The following ECT2L variants were observed in gnomAD, a reference collection of about 807,000 sequenced individuals.
ECT2L encodes the protein epithelial cell-transforming sequence 2 oncogene-like.
ECT2L carries 126 observed loss-of-function variants against 122.8 expected under a neutral mutation model. That is an observed-to-expected ratio of 1.03 (90% CI 0.89 to 1.19). The LOEUF (loss-of-function observed/expected upper bound fraction) is 1.19, where lower values mean the gene tolerates loss of function less well. Ranked by LOEUF, ECT2L falls within the 50% of genes most tolerant of loss-of-function variation. The pLI, the probability that ECT2L is intolerant of heterozygous loss-of-function variation, is 0.00. For missense variants in ECT2L, 1,012 were observed against 1,064.1 expected (o/e 0.95, Z 0.68); for synonymous variants, 385 against 381.8 (o/e 1.01, Z -0.10).
intron 1 of ECT2L, among the ~76,000 whole-genome samples, chr6:138,812,462 C>T (rs185867878): frequency 6.6e-6 from 1 of 152,352 alleles, no homozygotes; most frequent in African/African-American, 2.4e-5. Context: ...TCTTTGACCT[C>T]TGTCCTGAAA....
chr6:138,839,387 C>G (rs1289406074), intron 5 of ECT2L, among the ~76,000 whole-genome samples: 1 of 146,276 alleles, frequency 6.8e-6, no homozygotes, highest in Non-Finnish European at 1.5e-5. Flanking sequence ...TTTCCTGAGA[C>G]AGGATCTCAT....
In ECT2L at chr6:138,843,130, G is replaced by C. The variant is rs772503814; in HGVS notation, c.494G>C (p.Gly165Ala). Residue 165 changes from glycine to alanine, a missense_variant, in exon 6 of 22, where the codon GGG becomes GCG. By Grantham distance (60) the Gly-to-Ala change is moderately conservative. Transcript: ENST00000541398. Reference protein sequence around the residue: ...LTPREAAATYGTLNEPKTEDE... With the variant: ...LTPREAAATYATLNEPKTEDE... ...CCTAGGGAGGCTGCTGCTACTTATG[G>C]GACGCTGAATGAACCCAAAACAGAA... The C allele has an allele frequency of 5.0e-6, 8 of 1,613,930 alleles. No homozygotes were observed. In the South Asian group the frequency reaches 5.5e-5, roughly 11 times the overall value.
At chr6:138,839,966 G>T (rs755203337) in intron 5 of ECT2L, among the ~76,000 whole-genome samples, 1 of 151,880 alleles carries the variant, frequency 6.6e-6, no homozygotes, top group Non-Finnish European at 1.5e-5. Context: ...TTTTGTTAAA[G>T]ATTTTTATTT....
chr6:138,799,311 T>C (rs892055475), intron 1 of ECT2L, among the ~76,000 whole-genome samples: 3 of 152,062 alleles, frequency 2.0e-5, no homozygotes, highest in Admixed American at 6.5e-5. Flanking sequence ...TGGAGTGCAG[T>C]GGCACGATCT....
chr6:138,873,896 G>GTGTGTGTGTA lies in ECT2L; in HGVS notation c.1579-2567_1579-2566insATGTGTGTGT, dbSNP rs1554277017. Among the ~76,000 whole-genome samples, 62 of 149,688 alleles carry GTGTGTGTGTA rather than the reference G, an allele frequency of 4.1e-4. 1 individual carries two copies. The highest frequency in any genetic ancestry group is 2.1e-3 in the Admixed American group (31 of 15,052). ...ACTGTGTGTGTGTGTGTGTGTGTGT[G>GTGTGTGTGTA]TGTGTGTGTGTGTGTGTGTCCATCC... On this transcript the variant is annotated intron_variant, in intron 13 of 21. Transcript: ENST00000541398.
intron 1 of ECT2L, among the ~76,000 whole-genome samples, chr6:138,805,042 A>G (rs1345285043): frequency 3.3e-5 from 5 of 152,142 alleles, no homozygotes; most frequent in East Asian, 1.9e-4. Context: ...GACGTCTAAC[A>G]CTACAGGGTA....
In ECT2L at chr6:138,818,206, C is replaced by T. The variant is rs141919121; in HGVS notation, c.179+3603C>T. Reference sequence around the variant, plus strand: ...ATGCATTGACCCAGGTGTGTATGTGCGTGTGCGTGTGAGATCATAAACAGC... The same window carrying T: ...ATGCATTGACCCAGGTGTGTATGTGTGTGTGCGTGTGAGATCATAAACAGC... On this transcript the variant is annotated intron_variant, in intron 4 of 21. Transcript: ENST00000541398. Among the ~76,000 whole-genome samples the T allele has an allele frequency of 2.0e-3, 309 of 152,204 alleles. 1 individual carries two copies. The highest frequency in any genetic ancestry group is 0.015 in the Admixed American group (233 of 15,278).
chr6:138,869,283 C>T (rs1022444755), intron 13 of ECT2L, among the ~76,000 whole-genome samples: 6 of 152,192 alleles, frequency 3.9e-5, no homozygotes, highest in Admixed American at 2.6e-4. Flanking sequence ...CTCTAGTTTC[C>T]AAGGAATTCT....
At chr6:138,900,810 G>A in intron 20 of ECT2L, 138 bp from the exon 21 acceptor site, 1 of 917,782 alleles carries the variant, frequency 1.1e-6, no homozygotes, top group Non-Finnish European at 1.6e-6. Context: ...ATTATACTGA[G>A]AACTTCAACC....
chr6:138,849,449 TGGC>T lies in ECT2L; in HGVS notation c.1069+18_1069+20del, dbSNP rs763739200. The T allele has an allele frequency of 7.5e-6, 12 of 1,607,526 alleles. No homozygotes were observed. Among genetic ancestry groups the T allele is most frequent in the Non-Finnish European group, 8.5e-6 (10 of 1,176,938 alleles). On this transcript the variant is annotated intron_variant, in intron 9 of 21. Transcript: ENST00000541398. Reference sequence around the variant, plus strand: ...TTTACTCCAAGGTAGGCCTGGGGATTGGCGGATGAACAACCATGGAACTTCGCG... The same window carrying T: ...TTTACTCCAAGGTAGGCCTGGGGATTGGATGAACAACCATGGAACTTCGCG...
At chr6:138,796,476 G>C (rs1024044598) in intron 1 of ECT2L, among the ~76,000 whole-genome samples, 1 of 152,110 alleles carries the variant, frequency 6.6e-6, no homozygotes. Flanking sequence ...ATTTGGGATC[G>C]AAGTAAAGTT....
chr6:138,857,382 G>A (rs1446258648), intron 10 of ECT2L, among the ~76,000 whole-genome samples: 1 of 152,046 alleles, frequency 6.6e-6, no homozygotes, highest in Non-Finnish European at 1.5e-5. Context: ...CTGGGGTGGG[G>A]CTGGAGAATT....
intron 5 of ECT2L, among the ~76,000 whole-genome samples, chr6:138,839,364 CT>C (rs11325945): frequency 0.49 from 72,511 of 147,540 alleles, 17,913 homozygotes; most frequent in East Asian, 0.74. Flanking sequence ...TAAACACATA[CT>C]TTTTTTTTTT....
At chr6:138,864,093 G>A (rs1777941488) in intron 11 of ECT2L, among the ~76,000 whole-genome samples, 1 of 148,458 alleles carries the variant, frequency 6.7e-6, no homozygotes, top group African/African-American at 2.5e-5. Flanking sequence ...GGCTGAAGCA[G>A]GCAGATCACC....
chr6:138,860,824 A>C (rs1297147986), intron 10 of ECT2L, among the ~76,000 whole-genome samples: 1 of 150,382 alleles, frequency 6.6e-6, no homozygotes, highest in African/African-American at 2.5e-5. Context: ...CCCGTCGTCT[A>C]GGTTTTAAGC....
At chr6:138,900,829 A>C (rs1779371716) in intron 20 of ECT2L, 119 bp from the exon 21 acceptor site, 3 of 1,103,406 alleles carry the variant, frequency 2.7e-6, no homozygotes, top group South Asian at 3.3e-5. Context: ...CCAGCCATTC[A>C]AAATGTCAGT....
chr6:138,854,848 G>A (rs1280487669), intron 10 of ECT2L, among the ~76,000 whole-genome samples: 1 of 152,186 alleles, frequency 6.6e-6, no homozygotes, highest in Non-Finnish European at 1.5e-5. Context: ...TGCTTGAAGA[G>A]AAACTTCAGA....
intron 1 of ECT2L, among the ~76,000 whole-genome samples, chr6:138,806,024 T>C (rs1165673320): frequency 6.6e-6 from 1 of 152,214 alleles, no homozygotes; most frequent in East Asian, 1.9e-4. Context: ...AGAATACCTT[T>C]ATTTCATACC....
intron 1 of ECT2L, among the ~76,000 whole-genome samples, chr6:138,809,156 T>G (rs528664674): frequency 6.6e-6 from 1 of 152,240 alleles, no homozygotes; most frequent in East Asian, 1.9e-4. Context: ...TTACCATTAG[T>G]GTCATGTCTG....
Sources: gnomAD v4.1 joint callset for allele counts (sites outside exome capture counted in the v4.1 genomes callset) on GRCh38, gnomAD v4.1.1 for gene constraint, MANE v1.5 for transcripts, NCBI Gene and HGNC (gene_info 2026-07-23, HGNC 2026-07-21) for gene names.